The following MDGA2 variants were observed in gnomAD, a reference collection of about 807,000 sequenced individuals.
MDGA2 encodes MAM domain-containing glycosylphosphatidylinositol anchor protein 2.
Under a neutral mutation model 117.8 loss-of-function variants are expected in MDGA2, and 40 were observed. That is an observed-to-expected ratio of 0.34 (90% confidence interval 0.26 to 0.44). The LOEUF (loss-of-function observed/expected upper bound fraction) is 0.44. Ranked by LOEUF, MDGA2 falls within the 20% of genes least tolerant of loss-of-function variation. The probability of loss-of-function intolerance (pLI) is 1.00; values close to 1 mark genes in which losing one functional copy is unlikely to be tolerated. For synonymous variants in MDGA2, 452 were observed against 439.0 expected, an observed-to-expected ratio of 1.03 and a Z score of -0.37; for missense variants, 1,123 against 1,250.6, an observed-to-expected ratio of 0.90 and a Z score of 1.54.
intron 9 of MDGA2, among the ~76,000 whole-genome samples, chr14:46,949,235 A>G (rs1469011788): frequency 1.3e-5 from 2 of 152,046 alleles, no homozygotes; most frequent in Non-Finnish European, 2.9e-5. Context: ...CTTTCTTTAC[A>G]TACTGACCAA....
chr14:47,334,167 C>G (rs371970405), intron 1 of MDGA2, among the ~76,000 whole-genome samples: 16 of 151,838 alleles, frequency 1.1e-4, no homozygotes, highest in African/African-American at 3.9e-4. Flanking sequence ...TTGTGGTGCT[C>G]TACAGCACAG....
At chr14:47,286,230 C>T (rs531166449) in intron 2 of MDGA2, among the ~76,000 whole-genome samples, 11 of 152,188 alleles carry the variant, frequency 7.2e-5, no homozygotes, top group African/African-American at 2.6e-4. Flanking sequence ...AAGTTAGGAA[C>T]ATTCCCAATC....
intron 3 of MDGA2, among the ~76,000 whole-genome samples, chr14:47,205,465 A>G (rs1048455562): frequency 5.3e-5 from 8 of 152,020 alleles, no homozygotes; most frequent in African/African-American, 1.9e-4. Flanking sequence ...AATTATTCAG[A>G]ACTGTTCTTA....
At position 47,555,794 on chromosome 14, in the gene MDGA2, T is replaced by C. The variant is rs114931335; in HGVS notation, c.280+118723A>G. Among the ~76,000 whole-genome samples, 302 of 152,276 alleles carry C rather than the reference T, an allele frequency of 2.0e-3. 1 individual carries two copies. The highest frequency in any genetic ancestry group is 6.9e-3 in the African/African-American group (285 of 41,576). ...TTCTATCTTCAGTCTCTTCTATCCA[T>C]CTCGACCCTTTGGTAATTATTTTTT... On this transcript the variant is annotated intron_variant, in intron 1 of 16. Transcript: ENST00000399232.
intron 1 of MDGA2, among the ~76,000 whole-genome samples, chr14:47,423,647 T>C (rs1251218383): frequency 6.6e-6 from 1 of 152,154 alleles, no homozygotes; most frequent in African/African-American, 2.4e-5. Flanking sequence ...TAGGATGCTT[T>C]ATTTTCTTAC....
chr14:46,987,054 T>TGTGTATGTA (rs1241876752), intron 8 of MDGA2, among the ~76,000 whole-genome samples: 2 of 152,224 alleles, frequency 1.3e-5, no homozygotes, highest in African/African-American at 4.8e-5. Context: ...TATGTATGTG[T>TGTGTATGTA]CTGCATATTG....
At chr14:47,233,312 A>T (rs1283877822) in intron 2 of MDGA2, among the ~76,000 whole-genome samples, 1 of 152,148 alleles carries the variant, frequency 6.6e-6, no homozygotes, top group African/African-American at 2.4e-5. Flanking sequence ...ACTATATGTT[A>T]GGTAAAATAT....
chr14:47,358,014 A>G (rs1255568856), intron 1 of MDGA2, among the ~76,000 whole-genome samples: 1 of 152,164 alleles, frequency 6.6e-6, no homozygotes, highest in East Asian at 1.9e-4. Flanking sequence ...AAAAGTGCCT[A>G]CTTGCAACTG....
chr14:47,331,236 C>G (rs894398968), intron 1 of MDGA2, among the ~76,000 whole-genome samples: 2 of 151,748 alleles, frequency 1.3e-5, no homozygotes, highest in African/African-American at 4.8e-5. Context: ...TAGGGGAAAA[C>G]GTACTTTTAT....
intron 3 of MDGA2, among the ~76,000 whole-genome samples, chr14:47,195,465 A>C (rs1885255162): frequency 6.6e-6 from 1 of 152,042 alleles, no homozygotes; most frequent in African/African-American, 2.4e-5. Context: ...GTGTTTGATG[A>C]ACTGGTTTTA....
chr14:47,087,238 G>C (rs1236678244), intron 6 of MDGA2, among the ~76,000 whole-genome samples: 2 of 151,810 alleles, frequency 1.3e-5, no homozygotes, highest in Non-Finnish European at 2.9e-5. Flanking sequence ...TGGTTGGCTG[G>C]GTGCGGTGGC....
At chr14:46,907,039 C>A (rs966864873) in intron 10 of MDGA2, among the ~76,000 whole-genome samples, 11 of 139,114 alleles carry the variant, frequency 7.9e-5, no homozygotes, top group Non-Finnish European at 1.2e-4. Context: ...TGCAGTGGCA[C>A]GAACTCAGCT....
chr14:47,418,203 A>G (rs147000621), intron 1 of MDGA2, among the ~76,000 whole-genome samples: 1 of 151,906 alleles, frequency 6.6e-6, no homozygotes, highest in African/African-American at 2.4e-5. Flanking sequence ...CAACCTCCCG[A>G]GTTGAGGATT....
At chr14:46,982,734 A>AAAAAAAAAAAAAATAAT (rs1449356596) in intron 8 of MDGA2, among the ~76,000 whole-genome samples, 6 of 130,324 alleles carry the variant, frequency 4.6e-5, no homozygotes, top group South Asian at 2.3e-4. Flanking sequence ...AAAAAAAAAA[A>AAAAAAAAAAAAAATAAT]AATCATGTCA....
chr14:47,583,544 A>C (rs1385079329), intron 1 of MDGA2, among the ~76,000 whole-genome samples: 3 of 151,896 alleles, frequency 2.0e-5, no homozygotes, highest in Admixed American at 6.6e-5. Context: ...TGAAAAATTG[A>C]TAAATATCTT....
At chr14:47,582,260 G>A (rs976338795) in intron 1 of MDGA2, among the ~76,000 whole-genome samples, 12 of 151,718 alleles carry the variant, frequency 7.9e-5, no homozygotes, top group African/African-American at 2.9e-4. Context: ...CTCTTCCAAC[G>A]GCCAGTCCTC....
chr14:46,938,879 T>C (rs573698156), intron 9 of MDGA2, among the ~76,000 whole-genome samples: 1 of 152,312 alleles, frequency 6.6e-6, no homozygotes, highest in East Asian at 1.9e-4. Context: ...CATTAAGGGA[T>C]GACTTGAAAG....
At chr14:46,941,765 T>A (rs1885009963) in intron 9 of MDGA2, among the ~76,000 whole-genome samples, 2 of 152,196 alleles carry the variant, frequency 1.3e-5, no homozygotes, top group Non-Finnish European at 2.9e-5. Flanking sequence ...TCTATTCTTC[T>A]CTGGTGTCAG....
At chr14:47,312,297 G>T (rs1889660604) in intron 1 of MDGA2, among the ~76,000 whole-genome samples, 1 of 151,996 alleles carries the variant, frequency 6.6e-6, no homozygotes, top group Non-Finnish European at 1.5e-5. Flanking sequence ...TCTTATATCT[G>T]CCATCTTCCA....
Sources: allele counts gnomAD v4.1 joint callset (sites outside exome capture counted in the v4.1 genomes callset), GRCh38; gene constraint gnomAD v4.1.1; transcripts MANE v1.5; gene names NCBI Gene and HGNC (gene_info 2026-07-23, HGNC 2026-07-21).